Variants in TMEM132D observed in about 807,000 individuals in gnomAD.
TMEM132D encodes the protein transmembrane protein 132D.
In TMEM132D, 21 loss-of-function variants were observed where a neutral mutation model predicts 62.3. That is an observed-to-expected ratio of 0.34 (90% CI 0.24 to 0.49). The LOEUF is 0.49. Among genes scored for constraint, TMEM132D ranks in the 20% least tolerant of loss-of-function variants. The pLI is 0.99. For synonymous variants in TMEM132D, 621 were observed against 575.6 expected (o/e 1.08, Z -1.13); for missense variants, 1,346 against 1,402.8 (o/e 0.96, Z 0.65).
rs116014284 is a variant in TMEM132D, at chr12:129,097,136, C to T, written c.1444-12434G>A. On this transcript the variant is annotated intron_variant, in intron 5 of 8. Coordinates refer to ENST00000422113, the MANE Select transcript of TMEM132D (RefSeq NM_133448.3). Reference sequence around the variant, plus strand: ...ACATTTGGGGCTGGAGAGTTCTTTGCTGTAGGAGGCTATCCAGGGCAGTGT... The same window carrying T: ...ACATTTGGGGCTGGAGAGTTCTTTGTTGTAGGAGGCTATCCAGGGCAGTGT... Among the ~76,000 whole-genome samples, 934 of 152,346 alleles carry T rather than the reference C, an allele frequency of 6.1e-3. 6 individuals are homozygous for T. Among genetic ancestry groups the T allele is most frequent in the African/African-American group, 0.022 (896 of 41,594 alleles).
intron 3 of TMEM132D, among the ~76,000 whole-genome samples, chr12:129,438,591 C>T (rs980975772): frequency 3.9e-5 from 6 of 152,048 alleles, no homozygotes; most frequent in Non-Finnish European, 7.4e-5. Flanking sequence ...ATTTAGAGGT[C>T]GGGATACTTC....
chr12:129,143,063 A>G (rs1389484453), intron 5 of TMEM132D, among the ~76,000 whole-genome samples: 1 of 152,046 alleles, frequency 6.6e-6, no homozygotes, highest in African/African-American at 2.4e-5. Context: ...CCTCTAATTC[A>G]GTTCTGACAC....
intron 4 of TMEM132D, among the ~76,000 whole-genome samples, chr12:129,311,627 C>T (rs115033002): frequency 0.025 from 3,813 of 152,212 alleles, 169 homozygotes; most frequent in African/African-American, 0.084. Flanking sequence ...GCATGAAAAG[C>T]ATATAAGCCA....
intron 4 of TMEM132D, among the ~76,000 whole-genome samples, chr12:129,215,425 C>G (rs945136209): frequency 6.6e-6 from 1 of 152,138 alleles, no homozygotes; most frequent in Middle Eastern, 3.2e-3. Flanking sequence ...CAACAAACCT[C>G]CATGACACAT....
chr12:129,229,315 T>C (rs988999003), intron 4 of TMEM132D, among the ~76,000 whole-genome samples: 1 of 152,238 alleles, frequency 6.6e-6, no homozygotes, highest in African/African-American at 2.4e-5. Context: ...TCAGCATATA[T>C]CAAAGATCGA....
At chr12:129,383,003 A>G (rs1456057668) in intron 3 of TMEM132D, among the ~76,000 whole-genome samples, 1 of 152,168 alleles carries the variant, frequency 6.6e-6, no homozygotes, top group Non-Finnish European at 1.5e-5. Flanking sequence ...ACACAGGATC[A>G]TTGGGTCGCT....
chr12:129,817,690 T>A (rs1351134086), intron 1 of TMEM132D, among the ~76,000 whole-genome samples: 2 of 146,036 alleles, frequency 1.4e-5, no homozygotes, highest in South Asian at 4.5e-4. Flanking sequence ...GGGGTGTGTA[T>A]GTGTGTGTAT....
At chr12:129,138,990 C>T (rs1876662628) in intron 5 of TMEM132D, among the ~76,000 whole-genome samples, 1 of 152,204 alleles carries the variant, frequency 6.6e-6, no homozygotes, top group African/African-American at 2.4e-5. Flanking sequence ...GCTCTGGAAG[C>T]AGCAGCCTCG....
At chr12:129,425,915 G>A (rs554515100) in intron 3 of TMEM132D, among the ~76,000 whole-genome samples, 1 of 152,340 alleles carries the variant, frequency 6.6e-6, no homozygotes, top group East Asian at 1.9e-4. Context: ...AAGAAAAGCT[G>A]TTTTATCACG....
intron 2 of TMEM132D, among the ~76,000 whole-genome samples, chr12:129,568,522 A>C (rs1877427518): frequency 1.3e-5 from 2 of 152,236 alleles, no homozygotes; most frequent in Non-Finnish European, 2.9e-5. Flanking sequence ...ATGTGAATGC[A>C]TCTGTTGCTT....
intron 1 of TMEM132D, among the ~76,000 whole-genome samples, chr12:129,716,895 C>T (rs574447155): frequency 6.6e-6 from 1 of 152,142 alleles, no homozygotes; most frequent in Non-Finnish European, 1.5e-5. Flanking sequence ...ACAGTGGCAC[C>T]CATCTTCATG....
intron 2 of TMEM132D, among the ~76,000 whole-genome samples, chr12:129,600,952 C>T (rs545896242): frequency 1.9e-4 from 29 of 152,310 alleles, no homozygotes; most frequent in Middle Eastern, 6.8e-3. Flanking sequence ...TACCCAACAA[C>T]AAGGAAGTCA....
intron 3 of TMEM132D, among the ~76,000 whole-genome samples, chr12:129,387,974 T>C (rs187667322): frequency 8.7e-5 from 5 of 57,542 alleles, no homozygotes; most frequent in Non-Finnish European, 1.5e-4. Context: ...ATATGAACAC[T>C]AACACGAATC....
intron 4 of TMEM132D, among the ~76,000 whole-genome samples, chr12:129,327,709 C>T (rs985176743): frequency 2.0e-5 from 3 of 152,172 alleles, no homozygotes; most frequent in African/African-American, 7.2e-5. Context: ...CACCCTATTC[C>T]AAGTTGTCAT....
chr12:129,719,082 T>TAA (rs1868705836), intron 1 of TMEM132D, among the ~76,000 whole-genome samples: 8 of 26,644 alleles, frequency 3.0e-4, no homozygotes, highest in African/African-American at 8.8e-4. Context: ...ACAAAAAAAA[T>TAA]GAAAAAAAAA....
rs749392022 is a variant in TMEM132D, at chr12:129,352,649, CAT to C, written c.1116-14834_1116-14833del. ...AGAAGACATTTATGTGGTCAACAAA[CAT>C]ATGAAAAAAAGCTCATCATCACTGA... is the stretch of plus-strand genomic sequence containing the variant. On this transcript the variant is annotated intron_variant, in intron 3 of 8. Coordinates refer to ENST00000422113, the MANE Select transcript of TMEM132D (RefSeq NM_133448.3). Among the ~76,000 whole-genome samples the C allele has an allele frequency of 4.6e-5, 7 of 152,044 alleles. No homozygotes were observed. In the South Asian group the frequency reaches 6.2e-4, roughly 14 times the overall value.
intron 3 of TMEM132D, among the ~76,000 whole-genome samples, chr12:129,433,315 C>T (rs1165361991): frequency 3.9e-5 from 6 of 152,120 alleles, no homozygotes; most frequent in African/African-American, 1.4e-4. Context: ...TCTGTTTAAC[C>T]TTAGTAATTA....
chr12:129,808,046 A>G (rs576611174), intron 1 of TMEM132D, among the ~76,000 whole-genome samples: 1 of 152,226 alleles, frequency 6.6e-6, no homozygotes, highest in Admixed American at 6.5e-5. Flanking sequence ...ATTTAATACC[A>G]TGTCATTACA....
intron 3 of TMEM132D, among the ~76,000 whole-genome samples, chr12:129,527,961 C>T (rs760869205): frequency 5.3e-5 from 8 of 152,180 alleles, no homozygotes; most frequent in Non-Finnish European, 1.0e-4. Flanking sequence ...CTCCTTAATA[C>T]ACAAAATTAA....
Sources: allele counts gnomAD v4.1 joint callset (sites outside exome capture counted in the v4.1 genomes callset), GRCh38; gene constraint gnomAD v4.1.1; transcripts MANE v1.5; gene names NCBI Gene and HGNC (gene_info 2026-07-23, HGNC 2026-07-21).